The following SNX29 variants were observed in gnomAD, a reference collection of about 807,000 sequenced individuals.
SNX29 encodes sorting nexin 29, also known as sorting nexin-29.
Under a neutral mutation model 102.1 loss-of-function variants are expected in SNX29, and 78 were observed. That is an observed-to-expected ratio of 0.76 (90% CI 0.64 to 0.92). The LOEUF is 0.92. Ranked by LOEUF, SNX29 falls within the 40% of genes least tolerant of loss-of-function variation. The probability of loss-of-function intolerance (pLI) is 0.00; values close to 1 mark genes in which losing one functional copy is unlikely to be tolerated. For synonymous variants in SNX29, 580 were observed against 414.5 expected (o/e 1.40, Z -4.85); for missense variants, 1,280 against 1,061.7 (o/e 1.21, Z -2.86).
At chr16:12,091,775 C>CAAAAAAA (rs71408236) in intron 11 of SNX29, among the ~76,000 whole-genome samples, 2 of 93,964 alleles carry the variant, frequency 2.1e-5, no homozygotes, top group African/African-American at 7.8e-5. Flanking sequence ...AGATCCTTCT[C>CAAAAAAA]AAAAAAAAAA....
intron 20 of SNX29, among the ~76,000 whole-genome samples, chr16:12,539,191 G>A (rs1016150857): frequency 6.6e-6 from 1 of 152,188 alleles, no homozygotes; most frequent in Non-Finnish European, 1.5e-5. Context: ...CACATGCATA[G>A]ATTTGAGTAA....
chr16:12,263,626 G>C (rs1457137483), intron 14 of SNX29, among the ~76,000 whole-genome samples: 3 of 152,122 alleles, frequency 2.0e-5, no homozygotes, highest in African/African-American at 7.2e-5. Context: ...GTGAACATAT[G>C]TTACTTATAT....
At chr16:12,148,993 C>T (rs574037271) in intron 13 of SNX29, among the ~76,000 whole-genome samples, 11 of 152,258 alleles carry the variant, frequency 7.2e-5, no homozygotes, top group African/African-American at 2.2e-4. Context: ...TGAGCCACCA[C>T]GCCCGGCCTG....
At chr16:12,469,155 A>G (rs74012620) in intron 18 of SNX29, among the ~76,000 whole-genome samples, 1 of 152,234 alleles carries the variant, frequency 6.6e-6, no homozygotes, top group Non-Finnish European at 1.5e-5. Flanking sequence ...GGCAATTCTT[A>G]GTAAATAATG....
At chr16:12,543,985 C>T (rs1045530722) in intron 20 of SNX29, among the ~76,000 whole-genome samples, 1 of 152,210 alleles carries the variant, frequency 6.6e-6, no homozygotes, top group African/African-American at 2.4e-5. Flanking sequence ...CAGCCAAGGT[C>T]ACACCATGGG....
chr16:12,447,097 G>A (rs2086092538), intron 18 of SNX29, among the ~76,000 whole-genome samples: 1 of 146,896 alleles, frequency 6.8e-6, no homozygotes, highest in African/African-American at 2.5e-5. Flanking sequence ...AAGTTGGGAG[G>A]TGGAGGTTGC....
At chr16:12,391,757 C>G (rs2083538318) in intron 16 of SNX29, among the ~76,000 whole-genome samples, 1 of 152,154 alleles carries the variant, frequency 6.6e-6, no homozygotes, top group African/African-American at 2.4e-5. Flanking sequence ...TACCATCGCC[C>G]CAGAATGTCC....
At chr16:11,996,815 A>C (rs1397418774) in intron 1 of SNX29, among the ~76,000 whole-genome samples, 1 of 152,244 alleles carries the variant, frequency 6.6e-6, no homozygotes, top group Admixed American at 6.5e-5. Flanking sequence ...GACCTTGGCC[A>C]GATGGGTCTA....
At chr16:12,548,515 T>C (rs112295143) in intron 20 of SNX29, among the ~76,000 whole-genome samples, 6 of 152,182 alleles carry the variant, frequency 3.9e-5, no homozygotes, top group Non-Finnish European at 8.8e-5. Context: ...CTGGACCAGA[T>C]GCTTTGAGGG....
At chr16:12,533,331 C>T (rs955943212) in intron 20 of SNX29, among the ~76,000 whole-genome samples, 2 of 152,206 alleles carry the variant, frequency 1.3e-5, no homozygotes, top group Middle Eastern at 3.2e-3. Context: ...GTACCTGTGG[C>T]CCTGTGGGTC....
At chr16:12,062,381 T>TA (rs1373140202) in intron 9 of SNX29, among the ~76,000 whole-genome samples, 1 of 133,236 alleles carries the variant, frequency 7.5e-6, no homozygotes, top group Non-Finnish European at 1.6e-5. Context: ...TGTCTCAAAA[T>TA]AAATAAATAA....
intron 20 of SNX29, among the ~76,000 whole-genome samples, chr16:12,547,578 G>A (rs528832107): frequency 1.7e-4 from 26 of 152,022 alleles, no homozygotes; most frequent in African/African-American, 4.1e-4. Flanking sequence ...CCTCCCTCAC[G>A]AGGATTAAAT....
intron 19 of SNX29, among the ~76,000 whole-genome samples, chr16:12,505,376 T>C (rs1349405211): frequency 2.0e-5 from 3 of 152,244 alleles, no homozygotes; most frequent in African/African-American, 7.2e-5. Flanking sequence ...AAAAAACCAT[T>C]GTTTCCACAT....
At chr16:12,431,434 C>CTTCTTTTTTTTTT (rs779738786) in intron 18 of SNX29, among the ~76,000 whole-genome samples, 2 of 136,950 alleles carry the variant, frequency 1.5e-5, no homozygotes, top group African/African-American at 5.4e-5. Context: ...TCTTCTTCTT[C>CTTCTTTTTTTTTT]TTTTTTTTTT....
intron 16 of SNX29, among the ~76,000 whole-genome samples, chr16:12,368,300 T>C (rs1187232478): frequency 1.3e-5 from 2 of 152,252 alleles, no homozygotes. Context: ...AAATGCAGTG[T>C]ATGCAAGCTT....
At chr16:12,314,174 AC>A (rs2080656165) in intron 15 of SNX29, among the ~76,000 whole-genome samples, 1 of 151,778 alleles carries the variant, frequency 6.6e-6, no homozygotes, top group Non-Finnish European at 1.5e-5. Context: ...ATTTTTTTTA[AC>A]CTTTGTACAG....
At chr16:12,544,993 T>TGGCACAGCTAGGA (rs1368776637) in intron 20 of SNX29, among the ~76,000 whole-genome samples, 7 of 152,170 alleles carry the variant, frequency 4.6e-5, no homozygotes, top group African/African-American at 1.4e-4. Context: ...TTGTCCTAGG[T>TGGCACAGCTAGGA]GGCACAGCTA....
Position 12,120,025 on chromosome 16 carries a change from T to C in SNX29, c.1403-6608T>C, listed in dbSNP as rs187464628. 7.2e-5 allele frequency among the ~76,000 whole-genome samples: 11 copies of C among 152,226 alleles called. No individual in the cohort carries two copies. The East Asian group carries it at 2.1e-3, about 29-fold the overall frequency. ...CTTTATCTTAACAAATTGAAAAGAA[T>C]AGAAACTCTGGGTGGGCTAGGGGAG... On this transcript the variant is annotated intron_variant, in intron 11 of 20. Coordinates refer to ENST00000566228, the MANE Select transcript of SNX29 (RefSeq NM_032167.5).
intron 13 of SNX29, among the ~76,000 whole-genome samples, chr16:12,145,015 C>T (rs764699480): frequency 2.0e-4 from 30 of 152,218 alleles, no homozygotes; most frequent in Non-Finnish European, 3.8e-4. Flanking sequence ...GCCGCTGCGC[C>T]CGGCCTCTTT....
Sources: allele counts gnomAD v4.1 joint callset (sites outside exome capture counted in the v4.1 genomes callset), GRCh38; gene constraint gnomAD v4.1.1; transcripts MANE v1.5; gene names NCBI Gene and HGNC (gene_info 2026-07-23, HGNC 2026-07-21).